The following PODXL variants were observed in gnomAD, a reference collection of about 807,000 sequenced individuals.
PODXL encodes the protein podocalyxin like.
Under a neutral mutation model 48.9 loss-of-function variants are expected in PODXL, and 20 were observed. The observed-to-expected ratio is 0.41, with a 90% CI of 0.29 to 0.59. The LOEUF (loss-of-function observed/expected upper bound fraction) is 0.59. PODXL is among the 20% of genes least tolerant of loss of function. The probability of loss-of-function intolerance (pLI) is 0.31; values close to 1 mark genes in which losing one functional copy is unlikely to be tolerated. For missense variants in PODXL, 606 were observed against 675.1 expected (o/e 0.90, Z 1.13); for synonymous variants, 295 against 287.4 (o/e 1.03, Z -0.27).
chr7:131,516,672 T>C (rs1051648046), intron 1 of PODXL, among the ~76,000 whole-genome samples: 3 of 151,966 alleles, frequency 2.0e-5, no homozygotes, highest in Non-Finnish European at 2.9e-5. Context: ...TTTCCATGTC[T>C]CTGAAATGAG....
Position 131,518,551 on chromosome 7 carries a change from T to C in PODXL, c.101-7118A>G, listed in dbSNP as rs577992388. The stretch of plus-strand genomic sequence containing the variant: ...CGTAAGAGGTCTTTCCATTTACTTT[T>C]ATGACTGGCACCATGGGGAATCCCC... On this transcript the variant is annotated intron_variant, in intron 1 of 8. Coordinates refer to ENST00000378555, the MANE Select transcript of PODXL (RefSeq NM_001018111.3). 3.9e-5 allele frequency among the ~76,000 whole-genome samples: 6 copies of C among 152,316 alleles called. No homozygotes were observed. In the East Asian group the frequency reaches 1.2e-3, roughly 29 times the overall value.
chr7:131,547,718 C>T (rs550561514), intron 1 of PODXL, among the ~76,000 whole-genome samples: 1 of 152,190 alleles, frequency 6.6e-6, no homozygotes, highest in Non-Finnish European at 1.5e-5. Flanking sequence ...AGAGGATGGA[C>T]GTAAAACTCC....
At chr7:131,543,689 G>T (rs1798519416) in intron 1 of PODXL, among the ~76,000 whole-genome samples, 2 of 152,110 alleles carry the variant, frequency 1.3e-5, no homozygotes, top group African/African-American at 4.8e-5. Flanking sequence ...CACCCCTCTT[G>T]GTTGTTGGAC....
intron 1 of PODXL, among the ~76,000 whole-genome samples, chr7:131,528,223 A>G (rs1798218632): frequency 6.6e-6 from 1 of 152,156 alleles, no homozygotes. Context: ...AACAGGAGGG[A>G]AGAAAATGGA....
intron 1 of PODXL, among the ~76,000 whole-genome samples, chr7:131,527,188 G>A (rs1798201728): frequency 6.6e-6 from 1 of 152,082 alleles, no homozygotes; most frequent in African/African-American, 2.4e-5. Flanking sequence ...GAGTACAGTT[G>A]ACAGTACAGC....
At chr7:131,533,804 G>C (rs911486144) in intron 1 of PODXL, among the ~76,000 whole-genome samples, 2 of 152,186 alleles carry the variant, frequency 1.3e-5, no homozygotes, top group African/African-American at 4.8e-5. Flanking sequence ...GCATGTACCA[G>C]GGAGCCCGAC....
chr7:131,509,673 C>G (rs918207424), intron 3 of PODXL, 88 bp from the exon 4 acceptor site: 14 of 949,386 alleles, frequency 1.5e-5, no homozygotes, highest in Non-Finnish European at 2.2e-5. Context: ...ATAGTTTTCC[C>G]AGGTTCTTTG....
In PODXL at chr7:131,540,502, C is replaced by T. The variant is rs950341313; in HGVS notation, c.100+15758G>A. 6.6e-5 allele frequency among the ~76,000 whole-genome samples: 10 copies of T among 151,936 alleles called. 1 individual carries two copies. The highest frequency in any genetic ancestry group is 2.1e-4 in the South Asian group (1 of 4,788). On this transcript the variant is annotated intron_variant, in intron 1 of 8. Coordinates refer to ENST00000378555, the MANE Select transcript of PODXL (RefSeq NM_001018111.3). Reference sequence around the variant, plus strand: ...CCATCACACTGGGTCTGCACCGACCCGCACCCTTCGCACCGACCCTCACCC... The same window carrying T: ...CCATCACACTGGGTCTGCACCGACCTGCACCCTTCGCACCGACCCTCACCC...
At chr7:131,523,265 C>T (rs1238087293) in intron 1 of PODXL, among the ~76,000 whole-genome samples, 1 of 152,106 alleles carries the variant, frequency 6.6e-6, no homozygotes, top group Non-Finnish European at 1.5e-5. Context: ...TTTTATTTCC[C>T]TAATTACTAA....
intron 2 of PODXL, among the ~76,000 whole-genome samples, 169 bp from the exon 3 acceptor site, chr7:131,510,500 AC>A (rs1225543027): frequency 6.6e-6 from 1 of 150,818 alleles, no homozygotes; most frequent in East Asian, 2.0e-4. Context: ...ACAGAGCGAG[AC>A]TCCATCTCAA....
At chr7:131,546,315 T>C (rs964280021) in intron 1 of PODXL, among the ~76,000 whole-genome samples, 2 of 151,978 alleles carry the variant, frequency 1.3e-5, no homozygotes, top group Admixed American at 1.3e-4. Context: ...GATTACCCAA[T>C]CACAAGCGCC....
At chr7:131,509,209 C>G (rs747039117) in intron 4 of PODXL, 156 bp downstream of exon 4, 1 of 809,588 alleles carries the variant, frequency 1.2e-6, no homozygotes, top group African/African-American at 1.7e-5. Flanking sequence ...AAGCCAGGAC[C>G]AGGCTAACCA....
chr7:131,538,316 G>GGGCAGAA (rs949624025), intron 1 of PODXL, among the ~76,000 whole-genome samples: 4 of 152,162 alleles, frequency 2.6e-5, no homozygotes, highest in African/African-American at 7.2e-5. Context: ...GGAGTGGCAG[G>GGGCAGAA]GGCAGAAGTG....
chr7:131,542,353 G>A (rs1307144679), intron 1 of PODXL, among the ~76,000 whole-genome samples: 9 of 152,190 alleles, frequency 5.9e-5, no homozygotes, highest in Non-Finnish European at 1.2e-4. Flanking sequence ...AGAAAAGAAG[G>A]CTAATTCAAA....
chr7:131,512,990 G>A (rs539258158), intron 1 of PODXL, among the ~76,000 whole-genome samples: 23 of 74,328 alleles, frequency 3.1e-4, no homozygotes, highest in Non-Finnish European at 5.1e-4. Flanking sequence ...GCAAGACTCC[G>A]TCTCAAAAAA....
chr7:131,519,543 T>C (rs1347836490), intron 1 of PODXL, among the ~76,000 whole-genome samples: 1 of 151,784 alleles, frequency 6.6e-6, no homozygotes, highest in South Asian at 2.1e-4. Context: ...TCAAAAATTG[T>C]TTTTTTTAAA....
rs2116881852 is a variant in PODXL at position 131,556,548 on chromosome 7, TGGGG to T, written c.-193_-190del. 1.6e-6 allele frequency: 1 copy of T among 628,378 alleles called. No homozygotes were observed. Among genetic ancestry groups the T allele is most frequent in the East Asian group, 3.8e-5 (1 of 26,070 alleles). 38.9% of individuals were successfully genotyped at this position (628,378 alleles called of 1,614,324 possible). A position where few individuals can be genotyped will look rare whatever the true frequency, so the allele number is the denominator to read the frequency against. On this transcript the variant is annotated 5_prime_UTR_variant, in exon 1 of 9. Transcript: ENST00000378555. ...CCCTGCCGCTGCAGCAGAGCCGGGC[TGGGG>T]CGCAGAGCCAGTGGCAGAGGAGCGG...
At chr7:131,522,403 C>T (rs1434728246) in intron 1 of PODXL, among the ~76,000 whole-genome samples, 1 of 152,084 alleles carries the variant, frequency 6.6e-6, no homozygotes, top group East Asian at 1.9e-4. Flanking sequence ...TGAGATTGTG[C>T]CACAGCACTC....
Position 131,511,266 on chromosome 7 carries a change from G to C in PODXL, c.268C>G (p.Pro90Ala). ...ATTLGVSSDS[P>A]GTTTLAQQVS... ...TGCTGAGCCAGGGTTGTAGTCCCCG[G>C]TGAGTCACTGGATACACCAAGGGTG... The change falls in exon 2 of 9, where the codon CCG (proline) becomes GCG (alanine). Residue 90 changes from proline to alanine, a missense_variant. By Grantham distance (27) the Pro-to-Ala change is conservative. Transcript: ENST00000378555. 1 of 1,614,034 alleles carries C rather than the reference G, an allele frequency of 6.2e-7. No homozygotes were observed. The highest frequency in any genetic ancestry group is 2.2e-5 in the East Asian group (1 of 44,872).
Sources: allele counts gnomAD v4.1 joint callset (sites outside exome capture counted in the v4.1 genomes callset), GRCh38; gene constraint gnomAD v4.1.1; transcripts MANE v1.5; gene names NCBI Gene and HGNC (gene_info 2026-07-23, HGNC 2026-07-21).